Variants in ZNF83 observed in about 807,000 individuals in gnomAD.
ZNF83 encodes the protein zinc finger protein 816B.
For missense variants in ZNF83, 552 were observed against 629.9 expected, an observed-to-expected ratio of 0.88 and a Z score of 1.32; for synonymous variants, 209 against 213.0, an observed-to-expected ratio of 0.98 and a Z score of 0.17.
chr19:52,662,137 C>A (rs375996764), intron 1 of ZNF83, among the ~76,000 whole-genome samples: 5 of 152,330 alleles, frequency 3.3e-5, no homozygotes, highest in African/African-American at 1.2e-4. Flanking sequence ...TGTATTTTCT[C>A]ACGCCTTTCA....
At chr19:52,652,040 G>A in intron 3 of ZNF83, 1 of 231,908 alleles carries the variant, frequency 4.3e-6, no homozygotes. Flanking sequence ...CTACTGTTCT[G>A]CAAGGAGTGA....
chr19:52,669,875 GCTT>G lies in ZNF83; in HGVS notation c.-282-9035_-282-9033del, dbSNP rs555112727. 1.7e-3 allele frequency among the ~76,000 whole-genome samples: 252 copies of G among 152,220 alleles called. 2 individuals carry two copies. The highest frequency in any genetic ancestry group is 2.9e-3 in the Non-Finnish European group (197 of 68,018). ...ACTATCCTCCACCTTATCCAAAGAA[GCTT>G]CTTCTTATTTTGGAAAATCAAACCG... On this transcript the variant is annotated intron_variant, in intron 1 of 5. Coordinates refer to the ZNF83 transcript ENST00000594682.
chr19:52,655,349 G>A, intron 3 of ZNF83: 1 of 480,386 alleles, frequency 2.1e-6, no homozygotes, highest in Non-Finnish European at 3.7e-6. Flanking sequence ...TAGTCAAAGT[G>A]TTCATGAATG....
At chr19:52,642,571 G>A (rs187458675), upstream of ZNF83, among the ~76,000 whole-genome samples, 117 of 152,220 alleles carry the variant, frequency 7.7e-4, no homozygotes, top group African/African-American at 2.5e-3. Flanking sequence ...GGAATAAAAC[G>A]GGAGGCAAGT....
chr19:52,613,773 A>G (rs1261487484), exon 3 of ZNF83: 1 of 1,608,712 alleles, frequency 6.2e-7, no homozygotes, highest in Non-Finnish European at 8.5e-7. Context: ...TTCCACATAC[A>G]TTACATCTGT....
chr19:52,631,796 G>T (rs936983677), intron 2 of ZNF83, among the ~76,000 whole-genome samples: 45 of 152,268 alleles, frequency 3.0e-4, no homozygotes, highest in African/African-American at 1.1e-3. Flanking sequence ...CACCAGCAAA[G>T]GCAGGCTATG....
chr19:52,660,194 T>C (rs1030353841), intron 2 of ZNF83, among the ~76,000 whole-genome samples: 1 of 152,124 alleles, frequency 6.6e-6, no homozygotes, highest in African/African-American at 2.4e-5. Flanking sequence ...TTGCATAGTC[T>C]TAGTCAGAGA....
chr19:52,626,807 T>G (rs2060755208), intron 2 of ZNF83, among the ~76,000 whole-genome samples: 1 of 152,116 alleles, frequency 6.6e-6, no homozygotes. Context: ...TCATCCATTA[T>G]CTCTCCATAC....
chr19:52,634,500 T>A (rs1454657450), intron 2 of ZNF83, among the ~76,000 whole-genome samples: 1 of 152,214 alleles, frequency 6.6e-6, no homozygotes, highest in Non-Finnish European at 1.5e-5. Flanking sequence ...ATTCTTAAAA[T>A]AATGATGGAA....
At chr19:52,654,269 C>T in intron 3 of ZNF83, 1 of 1,558,250 alleles carries the variant, frequency 6.4e-7, no homozygotes, top group South Asian at 1.1e-5. Flanking sequence ...TCATGAATAT[C>T]TTTCTTGATT....
chr19:52,652,874 TG>T (rs1166179141), intron 3 of ZNF83: 1 of 1,032,138 alleles, frequency 9.7e-7, no homozygotes, highest in East Asian at 2.7e-5. Flanking sequence ...CTGAAGGTCT[TG>T]CCACACTCAT....
At chr19:52,629,197 A>C (rs138566498) in intron 2 of ZNF83, among the ~76,000 whole-genome samples, 17 of 152,252 alleles carry the variant, frequency 1.1e-4, no homozygotes, top group African/African-American at 4.1e-4. Flanking sequence ...AGAAAACAGC[A>C]CTTTCAATTT....
At chr19:52,675,115 A>C (rs1018109987) in intron 1 of ZNF83, among the ~76,000 whole-genome samples, 1 of 152,218 alleles carries the variant, frequency 6.6e-6, no homozygotes, top group African/African-American at 2.4e-5. Flanking sequence ...AATCTTATTA[A>C]ACAAAGGAAG....
intron 2 of ZNF83, 95 bp downstream of exon 2, chr19:52,634,971 G>T: frequency 3.3e-6 from 2 of 609,430 alleles, no homozygotes; most frequent in Non-Finnish European, 5.6e-6. Context: ...TGTCAGGCAG[G>T]ACACTTCTTG....
chr19:52,623,747 G>T (rs989698061), intron 2 of ZNF83, among the ~76,000 whole-genome samples: 31 of 152,046 alleles, frequency 2.0e-4, no homozygotes, highest in African/African-American at 7.0e-4. Flanking sequence ...AGGCTTTAAG[G>T]GGATTAAAGC....
intron 1 of ZNF83, among the ~76,000 whole-genome samples, chr19:52,663,262 A>T (rs1354751863): frequency 6.6e-6 from 1 of 152,154 alleles, no homozygotes; most frequent in Admixed American, 6.5e-5. Context: ...AATCCTAAAC[A>T]TGCAATTATT....
In ZNF83 at chr19:52,652,289, A is replaced by G. The variant is rs557486630; in HGVS notation, c.-74+3272T>C. On this transcript the variant is annotated intron_variant, in intron 3 of 5. Coordinates refer to the ZNF83 transcript ENST00000594682. The stretch of plus-strand genomic sequence containing the variant: ...TGTCTCTACTAAAAACATAAAAATT[A>G]GCCAGGCTTGGTGGAGCATGCTTGT... The G allele has an allele frequency of 4.2e-5, 10 of 238,070 alleles. No individual in the cohort carries two copies. In the Admixed American group the frequency reaches 4.2e-4, roughly 10 times the overall value. 14.7% of individuals were successfully genotyped at this position (238,070 alleles called of 1,614,324 possible). A position where few individuals can be genotyped will look rare whatever the true frequency, so the allele number is the denominator to read the frequency against.
At chr19:52,675,164 C>T (rs1358670533) in intron 1 of ZNF83, among the ~76,000 whole-genome samples, 1 of 152,122 alleles carries the variant, frequency 6.6e-6, no homozygotes, top group Non-Finnish European at 1.5e-5. Flanking sequence ...TACTTGAAGC[C>T]ATCTAATAGC....
intron 2 of ZNF83, among the ~76,000 whole-genome samples, chr19:52,634,439 G>C (rs1439348020): frequency 1.3e-5 from 2 of 152,134 alleles, no homozygotes; most frequent in Non-Finnish European, 2.9e-5. Context: ...CGAGCTTAAT[G>C]TGCTAAGAAT....
Sources: allele counts gnomAD v4.1 joint callset (sites outside exome capture counted in the v4.1 genomes callset), GRCh38; gene constraint gnomAD v4.1.1; transcripts MANE v1.5; gene names NCBI Gene and HGNC (gene_info 2026-07-23, HGNC 2026-07-21).